TULP4: variants seen among roughly 807,000 people sequenced by gnomAD.
TULP4 encodes the protein tubby-related protein 4.
In TULP4, 16 loss-of-function variants were observed where a neutral mutation model predicts 129.0. The observed-to-expected ratio is 0.12, with a 90% CI of 0.08 to 0.19. The LOEUF is 0.19. Ranked by LOEUF, TULP4 falls within the 10% of genes least tolerant of loss-of-function variation. The pLI is 1.00. For synonymous variants in TULP4, 998 were observed against 854.0 expected, an observed-to-expected ratio of 1.17 and a Z score of -2.94; for missense variants, 1,842 against 2,059.1, an observed-to-expected ratio of 0.89 and a Z score of 2.04.
intron 13 of TULP4, 123 bp downstream of exon 13, chr6:158,504,301 G>A: frequency 8.8e-6 from 7 of 795,284 alleles, no homozygotes; most frequent in Non-Finnish European, 1.4e-5. Flanking sequence ...CACCTCTTAG[G>A]TGGAGCTCAT....
chr6:158,444,711 G>A (rs1340400713), intron 3 of TULP4, among the ~76,000 whole-genome samples: 1 of 152,090 alleles, frequency 6.6e-6, no homozygotes, highest in Non-Finnish European at 1.5e-5. Flanking sequence ...TTAAACTATT[G>A]ATAATAATTG....
intron 6 of TULP4, among the ~76,000 whole-genome samples, chr6:158,471,151 T>C (rs1358729125): frequency 6.6e-6 from 1 of 152,072 alleles, no homozygotes; most frequent in Non-Finnish European, 1.5e-5. Context: ...GACAAAGGAT[T>C]TTTAAGTACA....
intron 1 of TULP4, among the ~76,000 whole-genome samples, chr6:158,366,752 T>C (rs531179354): frequency 6.6e-6 from 1 of 152,324 alleles, no homozygotes; most frequent in East Asian, 1.9e-4. Context: ...CCATTTGCCA[T>C]AGTGAGTGAT....
At chr6:158,350,534 G>T (rs1036842716) in intron 1 of TULP4, among the ~76,000 whole-genome samples, 1 of 152,134 alleles carries the variant, frequency 6.6e-6, no homozygotes, top group Non-Finnish European at 1.5e-5. Context: ...AGACCAGCCC[G>T]GTCAACACGG....
intron 1 of TULP4, among the ~76,000 whole-genome samples, chr6:158,256,572 T>A (rs1271842288): frequency 6.6e-6 from 1 of 152,238 alleles, no homozygotes; most frequent in African/African-American, 2.4e-5. Flanking sequence ...TGTCTGAAAT[T>A]GAACTTTTTA....
chr6:158,421,097 C>T (rs1778328233), intron 2 of TULP4, among the ~76,000 whole-genome samples: 1 of 152,126 alleles, frequency 6.6e-6, no homozygotes, highest in Admixed American at 6.5e-5. Context: ...CGCGGTGGCT[C>T]ACGCCTGTAA....
intron 6 of TULP4, among the ~76,000 whole-genome samples, chr6:158,477,511 A>G (rs746658073): frequency 6.6e-6 from 1 of 152,238 alleles, no homozygotes; most frequent in Non-Finnish European, 1.5e-5. Context: ...AGCATATGAA[A>G]AATGCTCAAC....
chr6:158,455,497 G>T (rs768849006), intron 5 of TULP4, among the ~76,000 whole-genome samples: 3 of 152,050 alleles, frequency 2.0e-5, no homozygotes, highest in Non-Finnish European at 4.4e-5. Context: ...AGCACTTTGG[G>T]AGGCTGAGGC....
rs746088519 is a variant in TULP4, at chr6:158,452,159, A to G, written c.750A>G (p.Pro250=). Residue 250 remains proline, a synonymous_variant, in exon 5 of 14, where the codon CCA becomes CCG. Coordinates refer to ENST00000367097, the MANE Select transcript of TULP4 (RefSeq NM_020245.5). ...PQDGPAAYPI[P]VQNIKPLLTV... is the part of the protein sequence containing the mutation. ...ATGGTCCGGCAGCATATCCCATCCC[A>G]GTGCAGAACATCAAGCCTCTGCTCA... is the stretch of plus-strand genomic sequence containing the variant. 1 of 1,614,214 alleles carries G rather than the reference A, an allele frequency of 6.2e-7. No individual in the cohort carries two copies. Among genetic ancestry groups the G allele is most frequent in the East Asian group, 2.2e-5 (1 of 44,888 alleles).
intron 5 of TULP4, among the ~76,000 whole-genome samples, chr6:158,454,560 A>G (rs1779249318): frequency 2.0e-5 from 3 of 148,416 alleles, no homozygotes; most frequent in Non-Finnish European, 4.5e-5. Context: ...TGGAAACTTT[A>G]TTTTTTATGC....
intron 1 of TULP4, among the ~76,000 whole-genome samples, chr6:158,353,367 C>T (rs1780572181): frequency 6.6e-6 from 1 of 152,194 alleles, no homozygotes; most frequent in Non-Finnish European, 1.5e-5. Context: ...TTGCTTATAT[C>T]CTACTTAAAG....
chr6:158,390,873 G>A (rs567113418), intron 1 of TULP4, among the ~76,000 whole-genome samples: 2 of 152,316 alleles, frequency 1.3e-5, no homozygotes, highest in East Asian at 3.9e-4. Flanking sequence ...GGCCGCCAAG[G>A]TGGGAGCATA....
intron 1 of TULP4, chr6:158,238,234 C>T (rs1777759643): frequency 1.0e-6 from 1 of 962,044 alleles, no homozygotes; most frequent in Non-Finnish European, 1.7e-6. Context: ...TTTCTTGATG[C>T]TGATCTGAAA....
Position 158,509,099 on chromosome 6 carries a change from A to T in TULP4, c.*2405A>T, listed in dbSNP as rs1780673329. Reference sequence around the variant, plus strand: ...GAGATGGGGTTTTGCCATGTTGGCCAGGCTGGTCTTGAACTCCTGACCTCA... The same window carrying T: ...GAGATGGGGTTTTGCCATGTTGGCCTGGCTGGTCTTGAACTCCTGACCTCA... On this transcript the variant is annotated 3_prime_UTR_variant, in exon 14 of 14. Transcript: ENST00000367097. The T allele has an allele frequency of 6.6e-6, 1 of 151,892 alleles. No individual in the cohort carries two copies. Among genetic ancestry groups the T allele is most frequent in the Non-Finnish European group, 1.5e-5 (1 of 68,038 alleles). The allele number at this position is 151,892 out of a possible 1,614,324, so 9.4% of individuals were successfully genotyped here.
chr6:158,308,654 G>A (rs1779264863), upstream of TULP4, among the ~76,000 whole-genome samples: 1 of 148,090 alleles, frequency 6.8e-6, no homozygotes, highest in Non-Finnish European at 1.5e-5. Context: ...CTCCCTCTCG[G>A]ACGGGGCGGC....
At chr6:158,364,850 A>C (rs535180281) in intron 1 of TULP4, among the ~76,000 whole-genome samples, 89 of 151,716 alleles carry the variant, frequency 5.9e-4, no homozygotes, top group South Asian at 2.1e-3. Flanking sequence ...CATTCTCCTG[A>C]CTCAGCCTTC....
intron 8 of TULP4, among the ~76,000 whole-genome samples, chr6:158,487,592 G>GT (rs1378198439): frequency 6.6e-6 from 1 of 152,212 alleles, no homozygotes; most frequent in Non-Finnish European, 1.5e-5. Flanking sequence ...CGACTTAGAT[G>GT]TTTTTCCAGA....
chr6:158,242,563 C>T (rs751977555), intron 1 of TULP4: 21 of 737,110 alleles, frequency 2.8e-5, no homozygotes, highest in Middle Eastern at 2.4e-4. Context: ...AGCCTGTACT[C>T]GCAATATGCC....
chr6:158,356,209 G>A (rs1174705340), intron 1 of TULP4, among the ~76,000 whole-genome samples: 4 of 152,160 alleles, frequency 2.6e-5, no homozygotes, highest in Admixed American at 2.0e-4. Context: ...GAAATTCCAG[G>A]AATGGATGAA....
Sources: allele counts gnomAD v4.1 joint callset (sites outside exome capture counted in the v4.1 genomes callset), GRCh38; gene constraint gnomAD v4.1.1; transcripts MANE v1.5; gene names NCBI Gene and HGNC (gene_info 2026-07-23, HGNC 2026-07-21).